Variants in FOXO3 observed in about 807,000 individuals in gnomAD.
FOXO3 encodes forkhead box protein O3.
Under a neutral mutation model 41.9 loss-of-function variants are expected in FOXO3, and 4 were observed. The observed-to-expected ratio is 0.10, with a 90% CI of 0.05 to 0.22. The LOEUF is 0.22. Ranked by LOEUF, FOXO3 falls within the 10% of genes least tolerant of loss-of-function variation. FOXO3 has a pLI of 1.00. For missense variants in FOXO3, 534 were observed against 906.8 expected, an observed-to-expected ratio of 0.59 and a Z score of 5.28; for synonymous variants, 318 against 389.3, an observed-to-expected ratio of 0.82 and a Z score of 2.16.
intron 1 of FOXO3, among the ~76,000 whole-genome samples, chr6:108,619,893 G>A (rs1289048996): frequency 6.6e-6 from 1 of 152,186 alleles, no homozygotes; most frequent in Non-Finnish European, 1.5e-5. Flanking sequence ...AAGCTTGGTT[G>A]CAAAGCCTGG....
At chr6:108,647,915 A>G (rs1338010226) in intron 1 of FOXO3, among the ~76,000 whole-genome samples, 1 of 152,194 alleles carries the variant, frequency 6.6e-6, no homozygotes, top group Admixed American at 6.5e-5. Context: ...GTTGGTTCAC[A>G]GGCAATGCCT....
chr6:108,666,840 A>G (rs1282574377), intron 2 of FOXO3, among the ~76,000 whole-genome samples: 2 of 151,910 alleles, frequency 1.3e-5, no homozygotes, highest in Admixed American at 1.3e-4. Context: ...ACAGGTTTGC[A>G]CCCCTAGCCA....
chr6:108,574,400 G>A (rs1356843429), intron 1 of FOXO3, among the ~76,000 whole-genome samples: 1 of 152,024 alleles, frequency 6.6e-6, no homozygotes, highest in Non-Finnish European at 1.5e-5. Flanking sequence ...TTCTGTGTTG[G>A]GACAGTAGGA....
chr6:108,636,254 G>T (rs1276895605), intron 1 of FOXO3, among the ~76,000 whole-genome samples: 1 of 152,190 alleles, frequency 6.6e-6, no homozygotes, highest in Non-Finnish European at 1.5e-5. Context: ...TGTTGGGGGT[G>T]GTGAGCTTGT....
intron 2 of FOXO3, among the ~76,000 whole-genome samples, chr6:108,671,833 G>C (rs972165068): frequency 6.6e-6 from 1 of 152,170 alleles, no homozygotes; most frequent in African/African-American, 2.4e-5. Flanking sequence ...TAGAAGTTCT[G>C]CCTGCCAGTT....
At chr6:108,586,508 G>T (rs570038913) in intron 1 of FOXO3, among the ~76,000 whole-genome samples, 1 of 152,148 alleles carries the variant, frequency 6.6e-6, no homozygotes, top group East Asian at 1.9e-4. Context: ...TTTTTTTGAC[G>T]TAACATGAGC....
At chr6:108,658,115 A>G (rs1778742361) in intron 1 of FOXO3, among the ~76,000 whole-genome samples, 1 of 152,212 alleles carries the variant, frequency 6.6e-6, no homozygotes, top group Admixed American at 6.5e-5. Flanking sequence ...AGGATTAACT[A>G]TAATCAGAAT....
At chr6:108,649,008 TAAAAAAAAAAAA>T (rs10612637) in intron 1 of FOXO3, among the ~76,000 whole-genome samples, 2 of 79,104 alleles carry the variant, frequency 2.5e-5, no homozygotes, top group African/African-American at 4.5e-5. Context: ...ACCTATCTCT[TAAAAAAAAAAAA>T]AAAAAAAAAA....
intron 1 of FOXO3, among the ~76,000 whole-genome samples, chr6:108,575,824 A>C (rs552112947): frequency 6.6e-6 from 1 of 152,294 alleles, no homozygotes; most frequent in Admixed American, 6.5e-5. Context: ...AGGCCCACAG[A>C]CTAATAACAT....
intron 1 of FOXO3, chr6:108,618,158 A>C (rs1456813595): frequency 1.0e-6 from 1 of 1,001,768 alleles, no homozygotes; most frequent in Non-Finnish European, 1.6e-6. Context: ...ATAGGCTTTC[A>C]TTAGTTTACT....
At chr6:108,656,496 C>T (rs764231317) in intron 1 of FOXO3, 50 of 985,192 alleles carry the variant, frequency 5.1e-5, no homozygotes, top group Non-Finnish European at 5.9e-5. Context: ...GAAGGGGCCG[C>T]CCTGGAACCT....
intron 1 of FOXO3, among the ~76,000 whole-genome samples, chr6:108,591,733 A>G (rs1266957106): frequency 6.6e-6 from 1 of 152,160 alleles, no homozygotes; most frequent in African/African-American, 2.4e-5. Context: ...GGTGACACAA[A>G]ACAAAACTTC....
intron 1 of FOXO3, among the ~76,000 whole-genome samples, chr6:108,642,089 GTT>G (rs5878987): frequency 6.7e-5 from 9 of 134,980 alleles, no homozygotes; most frequent in Admixed American, 7.5e-5. Context: ...TGCTTTTGGT[GTT>G]TTTTTTTTTT....
At chr6:108,659,594 A>T (rs1468996634) in intron 1 of FOXO3, among the ~76,000 whole-genome samples, 2 of 152,180 alleles carry the variant, frequency 1.3e-5, no homozygotes, top group African/African-American at 4.8e-5. Flanking sequence ...GATGAATCTA[A>T]AACACTCTGG....
intron 2 of FOXO3, among the ~76,000 whole-genome samples, chr6:108,665,918 T>A (rs1353454631): frequency 2.0e-5 from 3 of 151,746 alleles, no homozygotes; most frequent in Non-Finnish European, 4.4e-5. Context: ...ATAAATGATA[T>A]CAGCAGTTTC....
At chr6:108,613,783 G>T (rs1487020592) in intron 1 of FOXO3, among the ~76,000 whole-genome samples, 1 of 151,422 alleles carries the variant, frequency 6.6e-6, no homozygotes, top group Non-Finnish European at 1.5e-5. Context: ...CATGTTGTGG[G>T]TTTAATTTGC....
chr6:108,563,233 C>T (rs1438486676), intron 1 of FOXO3, among the ~76,000 whole-genome samples: 1 of 152,158 alleles, frequency 6.6e-6, no homozygotes, highest in Non-Finnish European at 1.5e-5. Flanking sequence ...AAGTTAAATA[C>T]GGCTTATATC....
chr6:108,612,457 A>G (rs957458330), intron 1 of FOXO3, among the ~76,000 whole-genome samples: 2 of 152,062 alleles, frequency 1.3e-5, no homozygotes, highest in Non-Finnish European at 2.9e-5. Context: ...AGGTGGGCAG[A>G]TCACCTGAGG....
intron 1 of FOXO3, among the ~76,000 whole-genome samples, chr6:108,567,566 G>A (rs895050916): frequency 1.3e-5 from 2 of 152,190 alleles, no homozygotes; most frequent in African/African-American, 4.8e-5. Flanking sequence ...AACATGCTAG[G>A]ACTATGTGAG....
Sources: allele counts gnomAD v4.1 joint callset (sites outside exome capture counted in the v4.1 genomes callset), GRCh38; gene constraint gnomAD v4.1.1; transcripts MANE v1.5; gene names NCBI Gene and HGNC (gene_info 2026-07-23, HGNC 2026-07-21).